INPP5K: variants seen among roughly 807,000 people sequenced by gnomAD.
The protein encoded by INPP5K is inositol polyphosphate 5-phosphatase K.
INPP5K carries 35 observed loss-of-function variants against 53.5 expected under a neutral mutation model. The ratio of observed to expected loss-of-function variants is 0.65; its 90% CI spans 0.50 to 0.87. The LOEUF (loss-of-function observed/expected upper bound fraction) is 0.87, where lower values mean the gene tolerates loss of function less well. INPP5K is among the 40% of genes least tolerant of loss of function. INPP5K has a pLI of 0.00. For synonymous variants in INPP5K, 253 were observed against 232.8 expected (o/e 1.09, Z -0.79); for missense variants, 550 against 586.2 (o/e 0.94, Z 0.64).
chr17:1,509,435 G>C (rs1389995783), intron 4 of INPP5K, 82 bp from the exon 5 acceptor site: 2 of 1,358,478 alleles, frequency 1.5e-6, no homozygotes, highest in African/African-American at 2.9e-5. Context: ...CCTGAGGGCA[G>C]ACAGTCTCAC....
rs760997395 is a variant in INPP5K at position 1,508,178 on chromosome 17, C to T, written c.603G>A (p.Gly201=). 1.4e-5 allele frequency: 22 copies of T among 1,614,010 alleles called. No individual in the cohort carries two copies. In the Admixed American group the frequency reaches 3.2e-4, roughly 23 times the overall value. ...GDMNFRIEDF[G]LHFVRESIKN... ...TAATGGATTCCCGAACAAAGTGCAA[C>T]CCAAAGTCCTCGATCCGAAAGTTCA... The change falls in exon 6 of 12, where the codon GGG becomes GGA. Residue 201 remains glycine (G), a synonymous_variant. Transcript: ENST00000421807.
intron 1 of INPP5K, 134 bp downstream of exon 1, chr17:1,516,322 C>T: frequency 9.4e-7 from 1 of 1,065,740 alleles, no homozygotes; most frequent in South Asian, 1.5e-5. Context: ...CTGACACAGG[C>T]GTGGGAGAAG....
intron 7 of INPP5K, among the ~76,000 whole-genome samples, chr17:1,504,604 T>C (rs2075110356): frequency 6.6e-6 from 1 of 152,186 alleles, no homozygotes. Context: ...CCAATCCTCG[T>C]GCGATGAAGA....
chr17:1,502,078 G>A (rs933787015), intron 7 of INPP5K, among the ~76,000 whole-genome samples: 6 of 150,470 alleles, frequency 4.0e-5, no homozygotes, highest in African/African-American at 7.3e-5. Context: ...GGCCAGGCAC[G>A]GTGGCTCACG....
In INPP5K at chr17:1,507,085, C is replaced by A; in HGVS notation, c.671G>T (p.Ser224Ile). ...YGGLWEKDQL[S>I]IAKKHDPLLR... ...CAGCGGGTCATGTTTCTTGGCAATG[C>A]TGAGCTGCAGACAAAGTCATAGTCC... The change falls in exon 7 of 12, where the codon AGC becomes ATC. Residue 224 changes from serine (S) to isoleucine (I), a missense_variant. Transcript: ENST00000421807. 6.2e-7 allele frequency: 1 copy of A among 1,613,710 alleles called. No homozygotes were observed. The highest frequency in any genetic ancestry group is 1.7e-5 in the Admixed American group (1 of 59,996).
At chr17:1,515,751 A>G (rs147824931) in intron 1 of INPP5K, 4 of 598,758 alleles carry the variant, frequency 6.7e-6, no homozygotes, top group Non-Finnish European at 8.4e-6. Context: ...AGCATAAACA[A>G]CACTATACAG....
chr17:1,516,400 C>G (rs769806004), intron 1 of INPP5K, 56 bp downstream of exon 1: 82 of 1,544,352 alleles, frequency 5.3e-5, no homozygotes, highest in Non-Finnish European at 6.7e-5. Flanking sequence ...AGCCCGCAGC[C>G]CAAGGGGCGC....
At position 1,500,611 on chromosome 17, in the gene INPP5K, C is replaced by T. The variant is rs1258514532; in HGVS notation, c.777-2489G>A. 6.6e-5 allele frequency among the ~76,000 whole-genome samples: 10 copies of T among 152,180 alleles called. No homozygotes were observed. In the South Asian group the frequency reaches 1.0e-3, roughly 16 times the overall value. ...TGATCTCCTGACCTCGTGATCTGCT[C>T]GCCTTGGCCTCCCAAAGTGCTGGAT... On this transcript the variant is annotated intron_variant, in intron 7 of 11. Transcript: ENST00000421807.
chr17:1,502,297 G>C (rs1039607264), intron 7 of INPP5K, among the ~76,000 whole-genome samples: 8 of 152,180 alleles, frequency 5.3e-5, no homozygotes, highest in East Asian at 1.9e-4. Context: ...TGTAGTGAGT[G>C]GAGATCGCGC....
At position 1,506,062 on chromosome 17, in the gene INPP5K, C is replaced by T. The variant is rs142743017; in HGVS notation, c.776+918G>A. 9.1e-3 allele frequency among the ~76,000 whole-genome samples: 1,383 copies of T among 152,306 alleles called. 8 individuals are homozygous for T. The highest frequency in any genetic ancestry group is 0.015 in the Non-Finnish European group (1,051 of 68,026). On this transcript the variant is annotated intron_variant, in intron 7 of 11. Coordinates refer to ENST00000421807, the MANE Select transcript of INPP5K (RefSeq NM_016532.4). ...TTTTTGAGACGGAGTCTCGCTCTGT[C>T]ACCCAGGCTGGAGTGCAGCGGTGAG...
chr17:1,513,611 C>G (rs776408553), intron 2 of INPP5K, 50 bp from the exon 3 acceptor site: 2 of 1,472,578 alleles, frequency 1.4e-6, no homozygotes, highest in Non-Finnish European at 1.9e-6. Flanking sequence ...GGCTACTTCC[C>G]CTGCCACAGA....
rs111252163 is a variant in INPP5K at position 1,495,118 on chromosome 17, G to A, written c.*705C>T. 0.039 allele frequency: 5,988 copies of A among 152,326 alleles called. 154 individuals are homozygous for A. The highest frequency in any genetic ancestry group is 0.054 in the Non-Finnish European group (3,696 of 68,042). 9.4% of individuals were successfully genotyped at this position (152,326 alleles called of 1,614,324 possible). A position where few individuals can be genotyped will look rare whatever the true frequency, so the allele number is the denominator to read the frequency against. ...TGGGACTCAAGCTACCAACGGAAGC[G>A]AACCTGGATCCTTCCCAGTTCTCTC... On this transcript the variant is annotated 3_prime_UTR_variant, in exon 12 of 12. Transcript: ENST00000421807.
chr17:1,501,949 C>T (rs1026501786), intron 7 of INPP5K, among the ~76,000 whole-genome samples: 5 of 147,426 alleles, frequency 3.4e-5, no homozygotes, highest in South Asian at 2.2e-4. Context: ...GCAGGAGAAT[C>T]GCTTGAACCT....
chr17:1,498,739 C>T (rs554244570), intron 7 of INPP5K, among the ~76,000 whole-genome samples: 92 of 152,120 alleles, frequency 6.0e-4, no homozygotes, highest in Non-Finnish European at 1.2e-3. Context: ...GTGGCTGGGA[C>T]GGTAAGTGCG....
intron 7 of INPP5K, among the ~76,000 whole-genome samples, chr17:1,502,036 A>G (rs1438008745): frequency 7.0e-6 from 1 of 143,626 alleles, no homozygotes; most frequent in Non-Finnish European, 1.5e-5. Context: ...CTCCATCTCA[A>G]AAAAAAAAAA....
At chr17:1,516,324 TG>T in intron 1 of INPP5K, 131 bp downstream of exon 1, 1 of 1,082,934 alleles carries the variant, frequency 9.2e-7, no homozygotes, top group Non-Finnish European at 1.3e-6. Flanking sequence ...GACACAGGCG[TG>T]GGAGAAGGCG....
intron 3 of INPP5K, among the ~76,000 whole-genome samples, chr17:1,512,804 G>T (rs570068095): frequency 3.3e-5 from 5 of 152,288 alleles, no homozygotes; most frequent in South Asian, 4.1e-4. Flanking sequence ...AATCTGAAGT[G>T]CACGTCCCGT....
chr17:1,497,247 A>G (rs944360378), intron 8 of INPP5K, among the ~76,000 whole-genome samples: 7 of 152,322 alleles, frequency 4.6e-5, no homozygotes, highest in African/African-American at 1.7e-4. Context: ...ACAGTTTGGG[A>G]GGATCACTTG....
intron 7 of INPP5K, among the ~76,000 whole-genome samples, chr17:1,502,239 C>T (rs150805998): frequency 0.096 from 14,621 of 152,096 alleles, 851 homozygotes; most frequent in East Asian, 0.14. Context: ...GTCCCAGCTA[C>T]TCAGGAGGCT....
Sources: allele counts gnomAD v4.1 joint callset (sites outside exome capture counted in the v4.1 genomes callset), GRCh38; gene constraint gnomAD v4.1.1; transcripts MANE v1.5; gene names NCBI Gene and HGNC (gene_info 2026-07-23, HGNC 2026-07-21).